ITGA3: variants seen among roughly 807,000 people sequenced by gnomAD.
The protein encoded by ITGA3 is integrin subunit alpha 3, also known as integrin alpha-3.
Under a neutral mutation model 131.1 loss-of-function variants are expected in ITGA3, and 70 were observed. That is an observed-to-expected ratio of 0.53 (90% CI 0.44 to 0.65). The LOEUF (loss-of-function observed/expected upper bound fraction) is 0.65. ITGA3 is among the 30% of genes least tolerant of loss of function. The pLI is 0.00. For synonymous variants in ITGA3, 537 were observed against 571.6 expected, an observed-to-expected ratio of 0.94 and a Z score of 0.86; for missense variants, 1,098 against 1,388.6, an observed-to-expected ratio of 0.79 and a Z score of 3.33.
chr17:50,077,281 G>C (rs1188522147), intron 15 of ITGA3, 98 bp from the exon 16 acceptor site: 2 of 1,339,190 alleles, frequency 1.5e-6, no homozygotes, highest in Non-Finnish European at 2.1e-6. Context: ...TGGAGAATCC[G>C]GCTCTCAAGC....
intron 14 of ITGA3, 121 bp from the exon 15 acceptor site, chr17:50,076,853 G>A: frequency 4.0e-6 from 5 of 1,245,402 alleles, no homozygotes; most frequent in Non-Finnish European, 5.7e-6. Context: ...ACTAGAGGAC[G>A]GGGCCTGGCT....
intron 3 of ITGA3, among the ~76,000 whole-genome samples, chr17:50,066,308 C>T (rs948059903): frequency 7.0e-6 from 1 of 143,292 alleles, no homozygotes; most frequent in Non-Finnish European, 1.5e-5. Flanking sequence ...CCCCATTTTT[C>T]TTTTTCTTTC....
At chr17:50,081,243 T>G in intron 22 of ITGA3, 67 bp from the exon 23 acceptor site, 1 of 1,026,278 alleles carries the variant, frequency 9.7e-7, no homozygotes. Flanking sequence ...GTGGGAAAGC[T>G]TAGGGTCGGA....
Position 50,090,070 on chromosome 17 carries a change from C to G in ITGA3, c.*992C>G, listed in dbSNP as rs985397415. 3.0e-6 allele frequency: 1 copy of G among 334,332 alleles called. No homozygotes were observed. Among genetic ancestry groups the G allele is most frequent in the African/African-American group, 2.2e-5 (1 of 46,420 alleles). 20.7% of individuals were successfully genotyped at this position (334,332 alleles called of 1,614,324 possible). On this transcript the variant is annotated 3_prime_UTR_variant, in exon 26 of 26. Coordinates refer to ENST00000320031, the MANE Select transcript of ITGA3 (RefSeq NM_002204.4). ...ATGTTGGGAGGATACAGAGGAGATG[C>G]CACTTCTCACTCACCACTACCAGCC...
intron 15 of ITGA3, 61 bp from the exon 16 acceptor site, chr17:50,077,318 G>A: frequency 6.8e-7 from 1 of 1,474,374 alleles, no homozygotes; most frequent in Non-Finnish European, 9.5e-7. Context: ...TTGCACCACA[G>A]AGGAGGGAGG....
intron 12 of ITGA3, among the ~76,000 whole-genome samples, chr17:50,076,006 G>GA (rs1908871866): frequency 6.6e-6 from 1 of 152,090 alleles, no homozygotes. Flanking sequence ...CCCACCTCTG[G>GA]GAAAAGGGGT....
Position 50,068,878 on chromosome 17 carries a change from C to T in ITGA3, c.664+573C>T, listed in dbSNP as rs774574345. Among the ~76,000 whole-genome samples, 214 of 150,250 alleles carry T rather than the reference C, an allele frequency of 1.4e-3. 1 individual carries two copies. Among genetic ancestry groups the T allele is most frequent in the Non-Finnish European group, 2.4e-3 (163 of 67,726 alleles). On this transcript the variant is annotated intron_variant, in intron 4 of 25. Coordinates refer to ENST00000320031, the MANE Select transcript of ITGA3 (RefSeq NM_002204.4). Reference sequence around the variant, plus strand: ...TATTTATTTTTTTGAGACAGAGTCTCACTCTGTCACCCAGGCTGGAGTGCA... The same window carrying T: ...TATTTATTTTTTTGAGACAGAGTCTTACTCTGTCACCCAGGCTGGAGTGCA...
At chr17:50,080,505 T>TGTGTGTGTGTGTGTGTGTGA in intron 22 of ITGA3, 130 bp downstream of exon 22, 1 of 526,650 alleles carries the variant, frequency 1.9e-6, no homozygotes, top group East Asian at 3.3e-5. Flanking sequence ...TGTGTGTGTG[T>TGTGTGTGTGTGTGTGTGTGA]GATTTGCGTG....
At chr17:50,085,150 C>A (rs755061062) in intron 23 of ITGA3, among the ~76,000 whole-genome samples, 1 of 150,732 alleles carries the variant, frequency 6.6e-6, no homozygotes, top group Non-Finnish European at 1.5e-5. Flanking sequence ...TGCAGTGAGC[C>A]AAGATCGCAC....
chr17:50,060,383 C>G (rs1265403850), intron 1 of ITGA3, among the ~76,000 whole-genome samples: 1 of 152,222 alleles, frequency 6.6e-6, no homozygotes, highest in African/African-American at 2.4e-5. Context: ...GCCTTCTCCT[C>G]TTTGAGGTGA....
intron 17 of ITGA3, 21 bp downstream of exon 17, chr17:50,078,146 A>G: frequency 6.2e-7 from 1 of 1,613,196 alleles, no homozygotes; most frequent in Non-Finnish European, 8.5e-7. Context: ...TCGAAAAGCC[A>G]GTCTGGGTCA....
intron 4 of ITGA3, among the ~76,000 whole-genome samples, chr17:50,070,488 A>G (rs1908568649): frequency 6.6e-6 from 1 of 151,874 alleles, no homozygotes; most frequent in South Asian, 2.1e-4. Context: ...TCTACTGAAA[A>G]TACAAAAATT....
rs373520311 is a variant in ITGA3, at chr17:50,064,260, C to T, written c.334+56C>T. The T allele has an allele frequency of 1.7e-4, 270 of 1,559,310 alleles. No individual in the cohort carries two copies. Among genetic ancestry groups the T allele is most frequent in the East Asian group, 1.5e-3 (65 of 42,732 alleles). On this transcript the variant is annotated intron_variant, in intron 2 of 25. Transcript: ENST00000320031. The surrounding 1 kb of genome is among the most constrained non-coding windows in gnomAD (Gnocchi z 4.4). ...GGTCAGAGGTCTGGCAGGGGGGTACCGCAGAGAGAATGGCCTGGAGGAGAT... is the reference window on the plus strand; with the variant it reads ...GGTCAGAGGTCTGGCAGGGGGGTACTGCAGAGAGAATGGCCTGGAGGAGAT...
Position 50,088,255 on chromosome 17 carries a change from G to A in ITGA3, c.3076G>A (p.Ala1026Thr), listed in dbSNP as rs778123052. ...CTTCTTCAAGCGAGCCCGCACTCGC[G>A]CCCTGTATGAAGCTAAGAGGCAGAA... ...CGFFKRARTRALYEAKRQKAE... is the reference protein window; with the variant it reads ...CGFFKRARTRTLYEAKRQKAE... Residue 1026 changes from alanine to threonine, a missense_variant, in exon 25 of 26, where the codon GCC becomes ACC. Coordinates refer to ENST00000320031, the MANE Select transcript of ITGA3 (RefSeq NM_002204.4). 1.6e-5 allele frequency: 25 copies of A among 1,579,992 alleles called. No homozygotes were observed. The highest frequency in any genetic ancestry group is 1.8e-5 in the Admixed American group (1 of 54,552).
chr17:50,060,239 A>G (rs566205423), intron 1 of ITGA3, among the ~76,000 whole-genome samples: 48 of 152,116 alleles, frequency 3.2e-4, no homozygotes, highest in Non-Finnish European at 6.2e-4. Flanking sequence ...TGTTGGCCTG[A>G]GTGCTAGATC....
intron 16 of ITGA3, 88 bp from the exon 17 acceptor site, chr17:50,077,958 T>C: frequency 8.8e-7 from 1 of 1,133,880 alleles, no homozygotes; most frequent in Non-Finnish European, 1.3e-6. Context: ...GAAAGCCAAC[T>C]AGAATAGTGT....
chr17:50,079,225 A>G lies in ITGA3; in HGVS notation c.2550A>G (p.Gly850=), dbSNP rs1257225167. 6.2e-7 allele frequency: 1 copy of G among 1,613,910 alleles called. No homozygotes were observed. The highest frequency in any genetic ancestry group is 1.3e-5 in the African/African-American group (1 of 74,864). Residue 850 remains glycine, a synonymous_variant, in exon 20 of 26, where the codon GGA becomes GGG. Transcript: ENST00000320031. ...GGTCCTGGCCCTGCCGACCACCTGGAGACCTTATCAACCCTCTCAACCTCA... is the reference window on the plus strand; with the variant it reads ...GGTCCTGGCCCTGCCGACCACCTGGGGACCTTATCAACCCTCTCAACCTCA... ...GNGSWPCRPP[G]DLINPLNLTL...
chr17:50,057,711 G>A (rs1907894757), intron 1 of ITGA3, among the ~76,000 whole-genome samples: 2 of 152,194 alleles, frequency 1.3e-5, no homozygotes, highest in African/African-American at 4.8e-5. Flanking sequence ...CCCCCACCTG[G>A]CCTCTGACCC....
rs2144297829 is a variant in ITGA3 at position 50,077,361 on chromosome 17, T to C, written c.2071-18T>C. 6.2e-7 allele frequency: 1 copy of C among 1,612,170 alleles called. No individual in the cohort carries two copies. The highest frequency in any genetic ancestry group is 8.5e-7 in the Non-Finnish European group (1 of 1,178,296). On this transcript the variant is annotated intron_variant, in intron 15 of 25. Transcript: ENST00000320031. ...CTACTTTGACCCGACCCTGACCTTATTCGCCTTCTTTCCTCAGCCCGGGGC... is the reference window on the plus strand; with the variant it reads ...CTACTTTGACCCGACCCTGACCTTACTCGCCTTCTTTCCTCAGCCCGGGGC...
Sources: gnomAD v4.1 joint callset for allele counts (sites outside exome capture counted in the v4.1 genomes callset) on GRCh38, gnomAD v4.1.1 for gene constraint, Gnocchi (gnomAD v3.1) non-coding constraint, MANE v1.5 for transcripts, NCBI Gene and HGNC (gene_info 2026-07-23, HGNC 2026-07-21) for gene names.